The following R3HDM4 variants were observed in gnomAD, a reference collection of about 807,000 sequenced individuals.
R3HDM4 encodes R3H domain containing 4.
A neutral mutation model predicts 31.3 loss-of-function variants in R3HDM4; 30 were observed. The ratio of observed to expected loss-of-function variants is 0.96; its 90% CI spans 0.72 to 1.30. The LOEUF (loss-of-function observed/expected upper bound fraction) is 1.30. Among genes scored for constraint, R3HDM4 ranks in the 50% most tolerant of loss-of-function variants. The pLI is 0.00. For missense variants in R3HDM4, 444 were observed against 366.1 expected (o/e 1.21, Z -1.74); for synonymous variants, 196 against 156.6 (o/e 1.25, Z -1.88).
chr19:897,394 G>C lies in R3HDM4; in HGVS notation c.*43C>G, dbSNP rs979431355. ...TTTAGCCGAAGGTATCGGAGGGCTTGATGGCTGGGCGAGGTGGCAGCGGGG... is the reference window on the plus strand; with the variant it reads ...TTTAGCCGAAGGTATCGGAGGGCTTCATGGCTGGGCGAGGTGGCAGCGGGG... On this transcript the variant is annotated 3_prime_UTR_variant, in exon 8 of 8. Coordinates refer to ENST00000361574, the MANE Select transcript of R3HDM4 (RefSeq NM_138774.4). The C allele has an allele frequency of 2.8e-6, 4 of 1,432,044 alleles. No individual in the cohort carries two copies. Among genetic ancestry groups the C allele is most frequent in the Admixed American group, 2.2e-5 (1 of 45,122 alleles). 88.7% of individuals were successfully genotyped at this position (1,432,044 alleles called of 1,614,324 possible).
rs2036797282 is a variant in R3HDM4, at chr19:899,616, G to A, written c.632C>T (p.Ala211Val). The change falls in exon 6 of 8, where the codon GCA becomes GTA. Residue 211 changes from alanine (A) to valine (V), a missense_variant. Coordinates refer to ENST00000361574, the MANE Select transcript of R3HDM4 (RefSeq NM_138774.4). This position sits in a 1 kb window ranked among gnomAD's most constrained non-coding sequence, Gnocchi z 6.8. ...CCCCCCTTACCTGTTGTCTAGCATT[G>A]CTGTGTACACGGCCTGGGGGGACAC... ...FSVSPQAVYT[A>V]MLDNSFERLL... The A allele has an allele frequency of 6.2e-7, 1 of 1,612,224 alleles. No individual in the cohort carries two copies. The highest frequency in any genetic ancestry group is 8.5e-7 in the Non-Finnish European group (1 of 1,179,402).
intron 1 of R3HDM4, among the ~76,000 whole-genome samples, chr19:908,718 T>C (rs575533928): frequency 7.2e-4 from 110 of 152,216 alleles, no homozygotes; most frequent in African/African-American, 2.5e-3. Flanking sequence ...ATGCACCTGC[T>C]CATTCCAGCC....
rs2036843239 is a variant in R3HDM4 at position 901,964 on chromosome 19, AC to A, written c.226+11del. Reference sequence around the variant, plus strand: ...AGGAGCCCCCAGGAGGCGCCTCCCGACCCCTGCTCACTGTTCTCCAGGCGCT... The same window carrying A: ...AGGAGCCCCCAGGAGGCGCCTCCCGACCCTGCTCACTGTTCTCCAGGCGCT... On this transcript the variant is annotated intron_variant, in intron 2 of 7. Transcript: ENST00000361574. 1 of 1,612,960 alleles carries A rather than the reference AC, an allele frequency of 6.2e-7. No homozygotes were observed. Among genetic ancestry groups the A allele is most frequent in the South Asian group, 1.1e-5 (1 of 91,070 alleles).
chr19:897,319 C>T lies in R3HDM4; in HGVS notation c.*118G>A. 1 of 762,966 alleles carries T rather than the reference C, an allele frequency of 1.3e-6. No homozygotes were observed. Among genetic ancestry groups the T allele is most frequent in the Non-Finnish European group, 2.1e-6 (1 of 479,426 alleles). 47.3% of individuals were successfully genotyped at this position (762,966 alleles called of 1,614,324 possible). ...GAGGGGGCAGAGTGAGAGAGACCAC[C>T]CCAAGCGAAAAAGGTTTCCGAGGAC... On this transcript the variant is annotated 3_prime_UTR_variant, in exon 8 of 8. Transcript: ENST00000361574.
At position 899,758 on chromosome 19, in the gene R3HDM4, C is replaced by G. The variant is rs1468924841; in HGVS notation, c.562-72G>C. The G allele has an allele frequency of 7.9e-7, 1 of 1,270,880 alleles. No homozygotes were observed. The highest frequency in any genetic ancestry group is 1.1e-6 in the Non-Finnish European group (1 of 933,222). The allele number at this position is 1,270,880 out of a possible 1,614,324, so 78.7% of individuals were successfully genotyped here. The stretch of plus-strand genomic sequence containing the variant: ...GGGGGGCCAGGGAGGTCCAGGGCCC[C>G]CAGGAGCCCACAGCGCTGGGCTCAA... On this transcript the variant is annotated intron_variant, in intron 5 of 7. Transcript: ENST00000361574. This position sits in a 1 kb window ranked among gnomAD's most constrained non-coding sequence, Gnocchi z 6.8.
rs1036068543 is a variant in R3HDM4 at position 900,188 on chromosome 19, T to C, written c.476-42A>G. Reference sequence around the variant, plus strand: ...ACAAGGGGCAGTCTTGGGGTGCTCGTCCTGGCCCTGCCCACCTGCCAGACC... The same window carrying C: ...ACAAGGGGCAGTCTTGGGGTGCTCGCCCTGGCCCTGCCCACCTGCCAGACC... On this transcript the variant is annotated intron_variant, in intron 4 of 7. Coordinates refer to ENST00000361574, the MANE Select transcript of R3HDM4 (RefSeq NM_138774.4). 6 of 1,482,578 alleles carry C rather than the reference T, an allele frequency of 4.0e-6. No individual in the cohort carries two copies. The Admixed American group carries it at 1.1e-4, about 27-fold the overall frequency. 91.8% of individuals were successfully genotyped at this position (1,482,578 alleles called of 1,614,324 possible). A position where few individuals can be genotyped will look rare whatever the true frequency, so the allele number is the denominator to read the frequency against.
intron 2 of R3HDM4, 46 bp from the exon 3 acceptor site, chr19:901,592 C>T (rs779026297): frequency 6.3e-7 from 1 of 1,577,092 alleles, no homozygotes; most frequent in Non-Finnish European, 8.6e-7. Flanking sequence ...CATTTGGGGA[C>T]CCCCAGGCAC....
At chr19:905,064 C>T (rs142390131) in intron 1 of R3HDM4, among the ~76,000 whole-genome samples, 13 of 152,090 alleles carry the variant, frequency 8.5e-5, no homozygotes, top group Admixed American at 2.0e-4. Context: ...AAAAATAAGC[C>T]GGGCGTGGTG....
At chr19:912,345 GA>G in intron 1 of R3HDM4, among the ~76,000 whole-genome samples, 1 of 56,198 alleles carries the variant, frequency 1.8e-5, no homozygotes. Flanking sequence ...GGGTCGGACA[GA>G]GGAGTTGGGG....
intron 1 of R3HDM4, among the ~76,000 whole-genome samples, chr19:912,342 AC>A: frequency 9.5e-5 from 1 of 10,532 alleles, no homozygotes; most frequent in Non-Finnish European, 1.6e-4. Context: ...GGGGGGTCGG[AC>A]AGAGGAGTTG....
Position 902,802 on chromosome 19 carries a change from G to A in R3HDM4, c.72-672C>T, listed in dbSNP as rs117779598. The stretch of plus-strand genomic sequence containing the variant: ...AAAAAAATACAAAAATTAATCAGGC[G>A]TGGTGGCGTGCGCCTGTAATCTCAG... On this transcript the variant is annotated intron_variant, in intron 1 of 7. Coordinates refer to ENST00000361574, the MANE Select transcript of R3HDM4 (RefSeq NM_138774.4). 2.9e-3 allele frequency among the ~76,000 whole-genome samples: 440 copies of A among 152,228 alleles called. 14 individuals carry two copies. The South Asian group carries it at 0.051, about 18-fold the overall frequency.
intron 1 of R3HDM4, among the ~76,000 whole-genome samples, chr19:908,106 C>A (rs1377283433): frequency 6.6e-6 from 1 of 151,982 alleles, no homozygotes; most frequent in Non-Finnish European, 1.5e-5. Context: ...GCAGGAGAAT[C>A]GCTTGGACCT....
At chr19:905,194 C>T (rs376063035) in intron 1 of R3HDM4, among the ~76,000 whole-genome samples, 2 of 148,344 alleles carry the variant, frequency 1.3e-5, no homozygotes, top group African/African-American at 5.0e-5. Flanking sequence ...GTGAACAGAG[C>T]GAGACTTGGC....
At chr19:908,911 C>T (rs537752058) in intron 1 of R3HDM4, among the ~76,000 whole-genome samples, 1 of 152,258 alleles carries the variant, frequency 6.6e-6, no homozygotes, top group South Asian at 2.1e-4. Flanking sequence ...CGCCGCCCCC[C>T]GGTCCTGGCC....
At chr19:900,292 G>A in intron 4 of R3HDM4, 146 bp from the exon 5 acceptor site, 1 of 617,500 alleles carries the variant, frequency 1.6e-6, no homozygotes, top group Non-Finnish European at 2.7e-6. Context: ...ACGATACTGT[G>A]GCCCCATCCA....
At chr19:898,916 TGA>T (rs1407122863) in intron 7 of R3HDM4, among the ~76,000 whole-genome samples, 1 of 152,052 alleles carries the variant, frequency 6.6e-6, no homozygotes, top group African/African-American at 2.4e-5. Flanking sequence ...GAGACAGGTG[TGA>T]GAGGCTCAGG....
chr19:906,148 C>T (rs1329993761), intron 1 of R3HDM4, among the ~76,000 whole-genome samples: 1 of 151,968 alleles, frequency 6.6e-6, no homozygotes, highest in Non-Finnish European at 1.5e-5. Flanking sequence ...CCTCAGCCTC[C>T]GGAGTAGCTG....
chr19:901,124 G>T, intron 3 of R3HDM4, 172 bp from the exon 4 acceptor site: 1 of 870,424 alleles, frequency 1.1e-6, no homozygotes, highest in Non-Finnish European at 1.7e-6. Flanking sequence ...GCAGGGAAGC[G>T]GGGAACCGGG....
intron 1 of R3HDM4, 94 bp downstream of exon 1, chr19:912,993 G>A (rs1915338615): frequency 8.2e-6 from 3 of 365,110 alleles, no homozygotes; most frequent in East Asian, 2.7e-4. Flanking sequence ...GGGGAGGGAA[G>A]GGAAAGGAGG....
Sources: gnomAD v4.1 joint callset for allele counts (sites outside exome capture counted in the v4.1 genomes callset) on GRCh38, gnomAD v4.1.1 for gene constraint, Gnocchi (gnomAD v3.1) non-coding constraint, MANE v1.5 for transcripts, NCBI Gene and HGNC (gene_info 2026-07-23, HGNC 2026-07-21) for gene names.